PLCB1: variants seen among roughly 807,000 people sequenced by gnomAD.
PLCB1 encodes phospholipase C beta 1, also known as 1-phosphatidylinositol 4,5-bisphosphate phosphodiesterase beta-1.
Under a neutral mutation model 161.8 loss-of-function variants are expected in PLCB1, and 46 were observed. The observed-to-expected ratio is 0.28, with a 90% CI of 0.22 to 0.36. The LOEUF is 0.36. Among genes scored for constraint, PLCB1 ranks in the 10% least tolerant of loss-of-function variants. The pLI, the probability that PLCB1 is intolerant of heterozygous loss-of-function variation, is 1.00. For synonymous variants in PLCB1, 517 were observed against 503.7 expected (o/e 1.03, Z -0.35); for missense variants, 1,016 against 1,472.5 (o/e 0.69, Z 5.07).
intron 3 of PLCB1, among the ~76,000 whole-genome samples, chr20:8,581,878 G>A (rs1470038895): frequency 1.3e-5 from 2 of 152,148 alleles, no homozygotes; most frequent in East Asian, 3.8e-4. Flanking sequence ...GGCCAGAGTA[G>A]GCAAGAAAGT....
At chr20:8,730,063 A>G (rs183709600) in intron 18 of PLCB1, among the ~76,000 whole-genome samples, 64 of 152,084 alleles carry the variant, frequency 4.2e-4, no homozygotes, top group Admixed American at 3.9e-3. Context: ...CATATTCAGG[A>G]CTATCGTCAA....
chr20:8,586,146 G>A lies in PLCB1; in HGVS notation c.247-42148G>A, dbSNP rs772668717. Among the ~76,000 whole-genome samples, 16 of 152,096 alleles carry A rather than the reference G, an allele frequency of 1.1e-4. 1 individual carries two copies. Among genetic ancestry groups the A allele is most frequent in the Non-Finnish European group, 2.1e-4 (14 of 68,016 alleles). On this transcript the variant is annotated intron_variant, in intron 3 of 31. Transcript: ENST00000338037. ...ATATTGGTTCCATTATCTGACTTTC[G>A]GAAAAGCAATGTGACCTACAGAGTT...
chr20:8,516,306 G>T (rs1273920358), intron 3 of PLCB1, among the ~76,000 whole-genome samples: 4 of 152,048 alleles, frequency 2.6e-5, no homozygotes, highest in African/African-American at 9.7e-5. Flanking sequence ...TCAAGCCTCC[G>T]CTTCATTGCT....
chr20:8,608,821 A>G lies in PLCB1; in HGVS notation c.247-19473A>G, dbSNP rs148319251. Among the ~76,000 whole-genome samples the G allele has an allele frequency of 2.4e-3, 360 of 152,286 alleles. 1 individual carries two copies. The highest frequency in any genetic ancestry group is 8.3e-3 in the African/African-American group (344 of 41,568). ...GGGTTCCAGATAGAGCTTTATTTTAATTATAGTTTCTTAAATTTGAATGAA... is the reference window on the plus strand; with the variant it reads ...GGGTTCCAGATAGAGCTTTATTTTAGTTATAGTTTCTTAAATTTGAATGAA... On this transcript the variant is annotated intron_variant, in intron 3 of 31. Coordinates refer to ENST00000338037, the MANE Select transcript of PLCB1 (RefSeq NM_015192.4).
intron 2 of PLCB1, among the ~76,000 whole-genome samples, chr20:8,154,415 A>T (rs1227985979): frequency 6.6e-6 from 1 of 152,190 alleles, no homozygotes; most frequent in Non-Finnish European, 1.5e-5. Context: ...ATCCTATAAT[A>T]TGGAGTAATA....
chr20:8,684,486 T>G (rs1990311487), intron 9 of PLCB1, among the ~76,000 whole-genome samples: 1 of 150,466 alleles, frequency 6.6e-6, no homozygotes, highest in African/African-American at 2.5e-5. Context: ...GCTCCTGACC[T>G]CAAGTGATCC....
intron 4 of PLCB1, among the ~76,000 whole-genome samples, chr20:8,639,165 T>G (rs2123257782): frequency 6.6e-6 from 1 of 152,276 alleles, no homozygotes; most frequent in African/African-American, 2.4e-5. Flanking sequence ...AGGGGCTGTC[T>G]GCAAAGAGGC....
At position 8,881,607 on chromosome 20, in the gene PLCB1, C is replaced by CTT. The variant is rs752248494; in HGVS notation, c.3424-14_3424-13dup. ...TAAACAACTTCAAGTCATCTCCCCT[C>CTT]TTGATGTCTCTCAGCTGCAGGTGGA... On this transcript the variant is annotated splice_polypyrimidine_tract_variant and intron_variant, in intron 31 of 31. Transcript: ENST00000338037. The CTT allele has an allele frequency of 1.3e-6, 2 of 1,599,150 alleles. No homozygotes were observed. Among genetic ancestry groups the CTT allele is most frequent in the Middle Eastern group, 1.7e-4 (1 of 6,032 alleles).
chr20:8,585,987 C>T (rs2123093646), intron 3 of PLCB1, among the ~76,000 whole-genome samples: 1 of 152,244 alleles, frequency 6.6e-6, no homozygotes, highest in South Asian at 2.1e-4. Context: ...CATTGAATTC[C>T]AATCTACTCC....
intron 9 of PLCB1, among the ~76,000 whole-genome samples, chr20:8,684,256 ATTTATTTATTTT>A (rs1260233994): frequency 5.3e-5 from 8 of 150,206 alleles, no homozygotes; most frequent in African/African-American, 1.7e-4. Flanking sequence ...TTATTTATTT[ATTTATTTATTTT>A]TATTTTGAGA....
At chr20:8,820,074 ATTGGTTAT>A (rs1484599965) in intron 31 of PLCB1, among the ~76,000 whole-genome samples, 1 of 148,402 alleles carries the variant, frequency 6.7e-6, no homozygotes, top group African/African-American at 2.5e-5. Flanking sequence ...GTTACACTGT[ATTGGTTAT>A]AATTTGTATT....
intron 31 of PLCB1, among the ~76,000 whole-genome samples, chr20:8,877,525 T>C (rs965592891): frequency 1.3e-5 from 2 of 152,194 alleles, no homozygotes; most frequent in African/African-American, 4.8e-5. Context: ...GGGCCTGTCA[T>C]CTCTAGCTCT....
At chr20:8,516,451 G>A (rs1174593055) in intron 3 of PLCB1, among the ~76,000 whole-genome samples, 3 of 151,948 alleles carry the variant, frequency 2.0e-5, no homozygotes, top group Non-Finnish European at 4.4e-5. Context: ...CATCTCCTAT[G>A]GAAGTGAACA....
intron 31 of PLCB1, among the ~76,000 whole-genome samples, chr20:8,835,674 T>C (rs918072469): frequency 5.9e-5 from 9 of 152,024 alleles, no homozygotes; most frequent in African/African-American, 1.9e-4. Context: ...AACCAGCTTA[T>C]GAGAGTTTAT....
rs184142690 is a variant in PLCB1 at position 8,832,134 on chromosome 20, A to G, written c.3423+41873A>G. ...TATGAATTCACTCAGTAGATATTAC[A>G]TGTCACTGGCATATGACCTTTTAAT... On this transcript the variant is annotated intron_variant, in intron 31 of 31. Coordinates refer to ENST00000338037, the MANE Select transcript of PLCB1 (RefSeq NM_015192.4). Among the ~76,000 whole-genome samples the G allele has an allele frequency of 2.3e-3, 357 of 152,276 alleles. 3 individuals carry two copies. The highest frequency in any genetic ancestry group is 8.3e-3 in the African/African-American group (344 of 41,546).
At chr20:8,615,472 A>G (rs981092671) in intron 3 of PLCB1, among the ~76,000 whole-genome samples, 1 of 152,186 alleles carries the variant, frequency 6.6e-6, no homozygotes, top group Non-Finnish European at 1.5e-5. Flanking sequence ...ATTTTCAAGT[A>G]TCCACTTTCC....
intron 31 of PLCB1, among the ~76,000 whole-genome samples, chr20:8,829,707 C>T (rs1985890463): frequency 6.6e-6 from 1 of 152,182 alleles, no homozygotes; most frequent in South Asian, 2.1e-4. Context: ...TTATTTAATT[C>T]AATTTAATAT....
intron 2 of PLCB1, among the ~76,000 whole-genome samples, chr20:8,179,846 CTTTTTTTTTTTTTTTTTTTTT>C (rs35174594): frequency 1.4e-5 from 1 of 71,402 alleles, no homozygotes; most frequent in Non-Finnish European, 2.6e-5. Flanking sequence ...TTGTTGAGGG[CTTTTTTTTTTTTTTTTTTTTT>C]TTTTTTTTTG....
intron 2 of PLCB1, among the ~76,000 whole-genome samples, chr20:8,368,528 C>CA (rs1216338206): frequency 0.077 from 4,879 of 63,446 alleles, 317 homozygotes; most frequent in South Asian, 0.1. Context: ...CTCTGTCTCT[C>CA]AAAAAAAAAA....
Sources: allele counts gnomAD v4.1 joint callset (sites outside exome capture counted in the v4.1 genomes callset), GRCh38; gene constraint gnomAD v4.1.1; transcripts MANE v1.5; gene names NCBI Gene and HGNC (gene_info 2026-07-23, HGNC 2026-07-21).